FAM177A1: variants seen among roughly 807,000 people sequenced by gnomAD.
The protein encoded by FAM177A1 is family with sequence similarity 177 member A1.
A neutral mutation model predicts 26.1 loss-of-function variants in FAM177A1; 22 were observed. The observed-to-expected ratio is 0.84, with a 90% CI of 0.60 to 1.20. The LOEUF (loss-of-function observed/expected upper bound fraction) is 1.20, where lower values mean the gene tolerates loss of function less well. Ranked by LOEUF, FAM177A1 falls within the 50% of genes most tolerant of loss-of-function variation. The probability of loss-of-function intolerance (pLI) is 0.00; values close to 1 mark genes in which losing one functional copy is unlikely to be tolerated. For missense variants in FAM177A1, 296 were observed against 291.1 expected, an observed-to-expected ratio of 1.02 and a Z score of -0.12; for synonymous variants, 95 against 99.3, an observed-to-expected ratio of 0.96 and a Z score of 0.26.
chr14:35,066,857 A>G (rs979438018), intron 2 of FAM177A1, among the ~76,000 whole-genome samples: 2 of 150,852 alleles, frequency 1.3e-5, no homozygotes, highest in African/African-American at 4.9e-5. Flanking sequence ...GCAATGGCAC[A>G]ATCTCAGCTC....
chr14:35,080,914 T>TG (rs200875235), intron 4 of FAM177A1, 108 bp from the exon 5 acceptor site: 68 of 501,632 alleles, frequency 1.4e-4, no homozygotes, highest in Non-Finnish European at 1.8e-4. Flanking sequence ...ACATGACACT[T>TG]TTTTTTTTTT....
At chr14:35,056,660 T>A in intron 2 of FAM177A1, among the ~76,000 whole-genome samples, 1 of 152,132 alleles carries the variant, frequency 6.6e-6, no homozygotes, top group Non-Finnish European at 1.5e-5. Context: ...CTGGCCTTAA[T>A]TATTTTTTGA....
chr14:35,068,228 CT>C (rs2045268275), intron 2 of FAM177A1, among the ~76,000 whole-genome samples: 1 of 152,140 alleles, frequency 6.6e-6, no homozygotes. Context: ...AGTAGAAAAT[CT>C]TTTACATGGT....
chr14:35,061,146 C>A (rs1361463253), intron 2 of FAM177A1, among the ~76,000 whole-genome samples: 3 of 152,048 alleles, frequency 2.0e-5, no homozygotes, highest in Non-Finnish European at 4.4e-5. Flanking sequence ...GGAACACAGC[C>A]CCTGCAGATA....
rs1016668544 is a variant in FAM177A1 at position 35,046,365 on chromosome 14, C to G, written c.-99C>G. On this transcript the variant is annotated 5_prime_UTR_variant, in exon 1 of 5. Coordinates refer to ENST00000280987, the MANE Select transcript of FAM177A1 (RefSeq NM_173607.5). ...CCCTCAGGCCGGCGAGTCCCCTTCTCAGAGACTTGGCTAGGCGCGGCGCGA... is the reference window on the plus strand; with the variant it reads ...CCCTCAGGCCGGCGAGTCCCCTTCTGAGAGACTTGGCTAGGCGCGGCGCGA... 30 of 1,342,138 alleles carry G rather than the reference C, an allele frequency of 2.2e-5. No individual in the cohort carries two copies. Among genetic ancestry groups the G allele is most frequent in the Admixed American group, 3.6e-5 (1 of 28,000 alleles). 83.1% of individuals were successfully genotyped at this position (1,342,138 alleles called of 1,614,324 possible).
At chr14:35,050,042 C>T (rs913214661) in intron 1 of FAM177A1, 18 of 152,302 alleles carry the variant, frequency 1.2e-4, no homozygotes, top group African/African-American at 4.3e-4. Context: ...GAATCTCACT[C>T]TGTTGCCCAG....
At chr14:35,049,966 C>T (rs553816693) in intron 1 of FAM177A1, 11 of 152,162 alleles carry the variant, frequency 7.2e-5, no homozygotes, top group African/African-American at 2.2e-4. Context: ...ATTTTTCTTA[C>T]TTGCAGATTT....
Position 35,047,023 on chromosome 14 carries a change from C to T in FAM177A1, c.165+395C>T, listed in dbSNP as rs188985790. ...CGCCTGCCTGGGCATCTGCCCTTTG[C>T]TTGGCATATGCCAAACGTTTACCAG... On this transcript the variant is annotated intron_variant, in intron 1 of 4. Transcript: ENST00000280987. 2.8e-5 allele frequency: 28 copies of T among 1,013,530 alleles called. No individual in the cohort carries two copies. In the African/African-American group the frequency reaches 4.8e-4, roughly 17 times the overall value. 62.8% of individuals were successfully genotyped at this position (1,013,530 alleles called of 1,614,324 possible).
intron 2 of FAM177A1, among the ~76,000 whole-genome samples, chr14:35,074,101 G>C (rs2045360351): frequency 6.6e-6 from 1 of 152,168 alleles, no homozygotes; most frequent in Non-Finnish European, 1.5e-5. Flanking sequence ...GGGTTCTCCA[G>C]AGGGACAGAA....
At chr14:35,075,227 G>A (rs1455476862) in intron 2 of FAM177A1, among the ~76,000 whole-genome samples, 3 of 152,174 alleles carry the variant, frequency 2.0e-5, no homozygotes, top group South Asian at 2.1e-4. Flanking sequence ...GATTAACTAC[G>A]TAGGTGTGCA....
intron 2 of FAM177A1, among the ~76,000 whole-genome samples, chr14:35,066,839 G>C (rs756017632): frequency 1.3e-5 from 2 of 151,274 alleles, no homozygotes; most frequent in Non-Finnish European, 2.9e-5. Flanking sequence ...TCTTGCCCAA[G>C]CTGGAGCGCA....
At chr14:35,074,618 G>A (rs1013382612) in intron 2 of FAM177A1, among the ~76,000 whole-genome samples, 12 of 151,776 alleles carry the variant, frequency 7.9e-5, no homozygotes, top group African/African-American at 2.9e-4. Flanking sequence ...GAGCCACTGC[G>A]CCCCGCCCCA....
chr14:35,068,313 A>G (rs2045269494), intron 2 of FAM177A1, among the ~76,000 whole-genome samples: 1 of 152,154 alleles, frequency 6.6e-6, no homozygotes, highest in African/African-American at 2.4e-5. Context: ...AACTACTTCT[A>G]ATCACCATAT....
At chr14:35,077,288 G>A in intron 3 of FAM177A1, 72 bp downstream of exon 3, 1 of 1,390,642 alleles carries the variant, frequency 7.2e-7, no homozygotes, top group Non-Finnish European at 1.0e-6. Context: ...TGCTAAATAG[G>A]ATGTTTCCAA....
chr14:35,061,339 CAG>C (rs1595045084), intron 2 of FAM177A1, among the ~76,000 whole-genome samples: 1 of 151,976 alleles, frequency 6.6e-6, no homozygotes, highest in African/African-American at 2.4e-5. Flanking sequence ...GCCTCTCACT[CAG>C]GGCAATCTCT....
At chr14:35,071,652 C>T (rs2045323833) in intron 2 of FAM177A1, among the ~76,000 whole-genome samples, 1 of 152,040 alleles carries the variant, frequency 6.6e-6, no homozygotes, top group Non-Finnish European at 1.5e-5. Context: ...GAATTATTAA[C>T]CTGTTTTTCA....
intron 4 of FAM177A1, among the ~76,000 whole-genome samples, chr14:35,080,098 C>G (rs1266106621): frequency 1.3e-5 from 2 of 152,130 alleles, no homozygotes; most frequent in African/African-American, 2.4e-5. Flanking sequence ...TGGGGTTACT[C>G]ACTGTGTACT....
chr14:35,053,550 C>T, intron 2 of FAM177A1, 99 bp downstream of exon 2: 4 of 981,482 alleles, frequency 4.1e-6, no homozygotes, highest in Non-Finnish European at 4.7e-6. Context: ...AGGTTTAAAT[C>T]AACTATATTC....
At chr14:35,068,143 T>G (rs568072725) in intron 2 of FAM177A1, among the ~76,000 whole-genome samples, 1 of 152,366 alleles carries the variant, frequency 6.6e-6, no homozygotes, top group African/African-American at 2.4e-5. Context: ...CTTCTAGTAG[T>G]TTTACATGGA....
Sources: gnomAD v4.1 joint callset for allele counts (sites outside exome capture counted in the v4.1 genomes callset) on GRCh38, gnomAD v4.1.1 for gene constraint, MANE v1.5 for transcripts, NCBI Gene and HGNC (gene_info 2026-07-23, HGNC 2026-07-21) for gene names.